The following OBI1 variants were observed in gnomAD, a reference collection of about 807,000 sequenced individuals.
OBI1 encodes the protein ORC ubiquitin ligase 1.
In OBI1, 59 loss-of-function variants were observed where a neutral mutation model predicts 62.4. That is an observed-to-expected ratio of 0.95 (90% CI 0.77 to 1.17). OBI1 has a LOEUF of 1.17. Among genes scored for constraint, OBI1 ranks in the 50% most tolerant of loss-of-function variants. The pLI, the probability that OBI1 is intolerant of heterozygous loss-of-function variation, is 0.00. For synonymous variants in OBI1, 302 were observed against 292.8 expected, an observed-to-expected ratio of 1.03 and a Z score of -0.32; for missense variants, 875 against 830.9, an observed-to-expected ratio of 1.05 and a Z score of -0.65.
rs765708748 is a variant in OBI1, at chr13:78,644,884, T to C, written c.186A>G (p.Glu62=). ...TACCTATAATTTCTTTGCAAGGATTTTCAGGAGTGATGGGGACTCTGCAAG... is the reference window on the plus strand; with the variant it reads ...TACCTATAATTTCTTTGCAAGGATTCTCAGGAGTGATGGGGACTCTGCAAG... The part of the protein sequence containing the change: ...CPACRVPITP[E]NPCKEIIGGT... Residue 62 remains glutamate (E), a synonymous_variant, in exon 2 of 6, where the codon GAA becomes GAG. Coordinates refer to ENST00000282003, the MANE Select transcript of OBI1 (RefSeq NM_024546.4). 6.2e-7 allele frequency: 1 copy of C among 1,614,014 alleles called. No individual in the cohort carries two copies. Among genetic ancestry groups the C allele is most frequent in the Non-Finnish European group, 8.5e-7 (1 of 1,179,980 alleles).
chr13:78,638,442 GA>G (rs1555289256), intron 4 of OBI1, among the ~76,000 whole-genome samples: 6 of 152,118 alleles, frequency 3.9e-5, no homozygotes, highest in Non-Finnish European at 8.8e-5. Flanking sequence ...TCATTGGTGC[GA>G]AAATGGTTAT....
At chr13:78,638,080 C>T (rs934615520) in intron 4 of OBI1, among the ~76,000 whole-genome samples, 22 of 152,144 alleles carry the variant, frequency 1.4e-4, no homozygotes, top group African/African-American at 5.1e-4. Context: ...CCTTTCAGCA[C>T]AAGAGGACTC....
At chr13:78,643,464 T>C (rs1360112316) in intron 2 of OBI1, among the ~76,000 whole-genome samples, 1 of 152,216 alleles carries the variant, frequency 6.6e-6, no homozygotes, top group African/African-American at 2.4e-5. Context: ...TCTTTTGCTC[T>C]GTAGCATATA....
At chr13:78,637,733 T>C (rs1876072052) in intron 4 of OBI1, among the ~76,000 whole-genome samples, 3 of 152,212 alleles carry the variant, frequency 2.0e-5, no homozygotes, top group Admixed American at 1.3e-4. Context: ...TTCTCCCTCC[T>C]ACACACTTAT....
At chr13:78,634,229 G>A (rs1034352101) in intron 5 of OBI1, among the ~76,000 whole-genome samples, 6 of 151,926 alleles carry the variant, frequency 3.9e-5, no homozygotes, top group African/African-American at 1.5e-4. Flanking sequence ...TTTCAGATAG[G>A]CTTTTTTTTA....
chr13:78,646,450 T>A (rs1351110812), intron 1 of OBI1, among the ~76,000 whole-genome samples: 1 of 152,168 alleles, frequency 6.6e-6, no homozygotes, highest in Non-Finnish European at 1.5e-5. Context: ...TTTTTTGAAA[T>A]AGCACAAATT....
chr13:78,655,674 C>T (rs1176313675), intron 1 of OBI1, among the ~76,000 whole-genome samples: 3 of 152,138 alleles, frequency 2.0e-5, no homozygotes, highest in Admixed American at 6.5e-5. Flanking sequence ...TTGTGACCCT[C>T]CAGGGATAAT....
At chr13:78,638,522 G>A (rs566449434) in intron 4 of OBI1, among the ~76,000 whole-genome samples, 12 of 152,288 alleles carry the variant, frequency 7.9e-5, no homozygotes, top group African/African-American at 2.9e-4. Context: ...AAACCACAAA[G>A]AGGACGAAAC....
chr13:78,656,077 G>C (rs1876693243), intron 1 of OBI1, among the ~76,000 whole-genome samples: 1 of 152,174 alleles, frequency 6.6e-6, no homozygotes, highest in Non-Finnish European at 1.5e-5. Flanking sequence ...AAAGCAACTG[G>C]GAAGAACAAT....
chr13:78,634,100 AAAAAAAC>A (rs1593792704), intron 5 of OBI1, among the ~76,000 whole-genome samples: 3 of 148,620 alleles, frequency 2.0e-5, no homozygotes, highest in South Asian at 2.1e-4. Flanking sequence ...AAAACAAAAA[AAAAAAAC>A]AAAAAACAAA....
chr13:78,638,988 C>T lies in OBI1; in HGVS notation c.384G>A (p.Leu128=). 6.2e-7 allele frequency: 1 copy of T among 1,613,906 alleles called. No individual in the cohort carries two copies. The part of the protein sequence containing the change: ...LSLESQIKTI[L]DPLTLVQGNQ... ...TGCCCTGCACCAAGGTTAAAGGATC[C>T]AGAATAGTTTTGATCTGTGACTCCA... Residue 128 remains leucine, a synonymous_variant, in exon 4 of 6, where the codon CTG becomes CTA. Coordinates refer to ENST00000282003, the MANE Select transcript of OBI1 (RefSeq NM_024546.4).
chr13:78,630,793 T>G (rs566449629), intron 5 of OBI1, among the ~76,000 whole-genome samples: 1 of 152,312 alleles, frequency 6.6e-6, no homozygotes, highest in Non-Finnish European at 1.5e-5. Context: ...TAAATTTCTG[T>G]TGCTTATAAG....
intron 5 of OBI1, among the ~76,000 whole-genome samples, chr13:78,618,782 T>C (rs940941842): frequency 6.6e-6 from 1 of 152,220 alleles, no homozygotes; most frequent in Non-Finnish European, 1.5e-5. Flanking sequence ...AGACAAAGTT[T>C]ACTACTGTAT....
chr13:78,645,225 T>C (rs188945363), intron 1 of OBI1, among the ~76,000 whole-genome samples: 2 of 152,222 alleles, frequency 1.3e-5, no homozygotes, highest in South Asian at 2.1e-4. Flanking sequence ...GCTTTTGACA[T>C]ATAAAATGCT....
chr13:78,648,074 C>T (rs1263532696), intron 1 of OBI1, among the ~76,000 whole-genome samples: 2 of 151,986 alleles, frequency 1.3e-5, no homozygotes, highest in African/African-American at 4.8e-5. Context: ...ATAAAGTATT[C>T]CTGGTCAGAG....
Position 78,659,131 on chromosome 13 carries a change from A to G in OBI1, c.-11T>C. 1.2e-6 allele frequency: 2 copies of G among 1,609,058 alleles called. No homozygotes were observed. Among genetic ancestry groups the G allele is most frequent in the Non-Finnish European group, 1.7e-6 (2 of 1,177,760 alleles). On this transcript the variant is annotated 5_prime_UTR_variant, in exon 1 of 6. Coordinates refer to ENST00000282003, the MANE Select transcript of OBI1 (RefSeq NM_024546.4). ...CACGGTCTGAGCCATGGCAGCGTTC[A>G]GAATCCCGCCAACACGGAAGTCCCG...
chr13:78,627,380 T>G (rs563302085), intron 5 of OBI1, among the ~76,000 whole-genome samples: 1 of 150,336 alleles, frequency 6.7e-6, no homozygotes, highest in Non-Finnish European at 1.5e-5. Flanking sequence ...ACGTGTGCCA[T>G]GGTGGTTTGC....
Position 78,658,696 on chromosome 13 carries a change from G to A in OBI1, c.72+353C>T, listed in dbSNP as rs148746101. Among the ~76,000 whole-genome samples the A allele has an allele frequency of 2.8e-3, 434 of 152,308 alleles. 2 individuals carry two copies. Among genetic ancestry groups the A allele is most frequent in the African/African-American group, 0.01 (416 of 41,574 alleles). On this transcript the variant is annotated intron_variant, in intron 1 of 5. Coordinates refer to ENST00000282003, the MANE Select transcript of OBI1 (RefSeq NM_024546.4). ...TAATGGGCTTCACTACACGCCACGCGAGGCTGCAGAGGGAAGTTAAATATC... is the reference window on the plus strand; with the variant it reads ...TAATGGGCTTCACTACACGCCACGCAAGGCTGCAGAGGGAAGTTAAATATC...
chr13:78,644,737 C>G, intron 2 of OBI1, 125 bp downstream of exon 2: 1 of 1,029,588 alleles, frequency 9.7e-7, no homozygotes, highest in Admixed American at 1.8e-5. Context: ...AATTACTCAA[C>G]CACTCAGTAT....
Sources: gnomAD v4.1 joint callset for allele counts (sites outside exome capture counted in the v4.1 genomes callset) on GRCh38, gnomAD v4.1.1 for gene constraint, MANE v1.5 for transcripts, NCBI Gene and HGNC (gene_info 2026-07-23, HGNC 2026-07-21) for gene names.